ENOX1: variants seen among roughly 807,000 people sequenced by gnomAD.
The protein encoded by ENOX1 is candidate growth-related and time keeping constitutive hydroquinone (NADH) oxidase.
Under a neutral mutation model 82.5 loss-of-function variants are expected in ENOX1, and 42 were observed. The ratio of observed to expected loss-of-function variants is 0.51; its 90% CI spans 0.40 to 0.66. The LOEUF (loss-of-function observed/expected upper bound fraction) is 0.66, where lower values mean the gene tolerates loss of function less well. Ranked by LOEUF, ENOX1 falls within the 30% of genes least tolerant of loss-of-function variation. The pLI is 0.00. For missense variants in ENOX1, 608 were observed against 811.6 expected, an observed-to-expected ratio of 0.75 and a Z score of 3.05; for synonymous variants, 271 against 282.2, an observed-to-expected ratio of 0.96 and a Z score of 0.40.
intron 1 of ENOX1, among the ~76,000 whole-genome samples, chr13:43,676,440 C>T (rs2085512221): frequency 6.6e-6 from 1 of 152,148 alleles, no homozygotes; most frequent in Non-Finnish European, 1.5e-5. Context: ...ATCTACCAGG[C>T]TCTCCCTCAG....
intron 16 of ENOX1, among the ~76,000 whole-genome samples, chr13:43,216,778 T>C (rs767020205): frequency 5.3e-5 from 8 of 152,126 alleles, no homozygotes; most frequent in Non-Finnish European, 8.8e-5. Flanking sequence ...GTGCCATTCA[T>C]TAGGGAGGGG....
intron 5 of ENOX1, among the ~76,000 whole-genome samples, chr13:43,387,245 A>G (rs2153579349): frequency 6.6e-6 from 1 of 152,278 alleles, no homozygotes; most frequent in East Asian, 1.9e-4. Flanking sequence ...GATGTAGGAG[A>G]GTTACCTGGG....
intron 1 of ENOX1, among the ~76,000 whole-genome samples, chr13:43,672,360 C>T (rs12428574): frequency 6.6e-5 from 10 of 152,060 alleles, no homozygotes; most frequent in African/African-American, 1.4e-4. Flanking sequence ...ACTTTATTAC[C>T]GTTAGATAAT....
intron 1 of ENOX1, among the ~76,000 whole-genome samples, chr13:43,670,564 G>C (rs1311759883): frequency 1.3e-5 from 2 of 152,140 alleles, no homozygotes; most frequent in Admixed American, 1.3e-4. Flanking sequence ...GTATTTGAAG[G>C]AAAATAGGGC....
chr13:43,287,884 C>CTATT (rs1467062053), intron 12 of ENOX1, among the ~76,000 whole-genome samples: 3 of 152,162 alleles, frequency 2.0e-5, no homozygotes, highest in African/African-American at 7.2e-5. Flanking sequence ...GAATTGGTTT[C>CTATT]TATTTCTGGT....
intron 13 of ENOX1, among the ~76,000 whole-genome samples, chr13:43,267,244 T>A (rs978012264): frequency 1.3e-5 from 2 of 152,176 alleles, no homozygotes; most frequent in South Asian, 2.1e-4. Flanking sequence ...GAACATCCTG[T>A]CTGATGAAAC....
At chr13:43,581,495 A>C (rs1251586964) in intron 2 of ENOX1, among the ~76,000 whole-genome samples, 1 of 152,194 alleles carries the variant, frequency 6.6e-6, no homozygotes, top group Non-Finnish European at 1.5e-5. Context: ...TCCATCCCCA[A>C]GGAGGAAAAG....
At chr13:43,428,332 A>G (rs2055450591) in intron 3 of ENOX1, among the ~76,000 whole-genome samples, 1 of 152,206 alleles carries the variant, frequency 6.6e-6, no homozygotes, top group Non-Finnish European at 1.5e-5. Context: ...GGCTTAACTC[A>G]GTCCAAATAT....
rs771833542 is a variant in ENOX1, at chr13:43,356,038, C to T, written c.704G>A (p.Arg235His). The change falls in exon 8 of 17, where the codon CGT (arginine) becomes CAT (histidine). Residue 235 changes from arginine to histidine, a missense_variant. By Grantham distance (29) the Arg-to-His change is conservative. Coordinates refer to ENST00000690772, the MANE Select transcript of ENOX1 (RefSeq NM_001347969.2). Reference protein sequence around the residue: ...FYEWECKQRMRAREERHRRKL... With the variant: ...FYEWECKQRMHAREERHRRKL... ...GCGCCGGTGCCGCTCCTCCCGGGCACGCATCCTCTGCTTGCATTCCCACTC... is the reference window on the plus strand; with the variant it reads ...GCGCCGGTGCCGCTCCTCCCGGGCATGCATCCTCTGCTTGCATTCCCACTC... 14 of 1,614,056 alleles carry T rather than the reference C, an allele frequency of 8.7e-6. No individual in the cohort carries two copies. The highest frequency in any genetic ancestry group is 4.5e-5 in the East Asian group (2 of 44,882).
intron 8 of ENOX1, among the ~76,000 whole-genome samples, chr13:43,349,405 G>C (rs2049616364): frequency 6.6e-6 from 1 of 152,188 alleles, no homozygotes; most frequent in African/African-American, 2.4e-5. Context: ...TTTGTGAGGA[G>C]TAAATAATAT....
At chr13:43,317,934 G>A (rs2047604311) in intron 11 of ENOX1, among the ~76,000 whole-genome samples, 1 of 151,986 alleles carries the variant, frequency 6.6e-6, no homozygotes, top group Non-Finnish European at 1.5e-5. Context: ...GAACCCGGGA[G>A]GCAGAGCTCG....
rs1952593538 is a variant in ENOX1, at chr13:43,786,119, T to A, written c.-285+533A>T. ...AATAACAACAGTACCCAGCGCAGAC[T>A]AGGCGGGGAGGAAAGTTTCCGGCCC... On this transcript the variant is annotated intron_variant, in intron 1 of 16. Transcript: ENST00000690772. This position sits in a 1 kb window ranked among gnomAD's most constrained non-coding sequence, Gnocchi z 6.0. Among the ~76,000 whole-genome samples the A allele has an allele frequency of 6.6e-6, 1 of 151,888 alleles. No individual in the cohort carries two copies. The highest frequency in any genetic ancestry group is 1.5e-5 in the Non-Finnish European group (1 of 67,962).
At chr13:43,757,297 T>C (rs777947001) in intron 1 of ENOX1, among the ~76,000 whole-genome samples, 5 of 152,172 alleles carry the variant, frequency 3.3e-5, no homozygotes, top group East Asian at 1.9e-4. Flanking sequence ...TGAACCTGGA[T>C]TGGCTTTGTG....
intron 2 of ENOX1, among the ~76,000 whole-genome samples, chr13:43,518,704 T>C (rs1472768452): frequency 6.6e-6 from 1 of 152,270 alleles, no homozygotes; most frequent in East Asian, 1.9e-4. Context: ...CTAAGTCTTC[T>C]TTGTTGATCA....
At chr13:43,502,959 C>T (rs946291933) in intron 2 of ENOX1, among the ~76,000 whole-genome samples, 6 of 151,318 alleles carry the variant, frequency 4.0e-5, no homozygotes, top group African/African-American at 1.5e-4. Context: ...ATTTTATATA[C>T]AGAAAACTCT....
intron 2 of ENOX1, among the ~76,000 whole-genome samples, chr13:43,492,469 T>C (rs1395089352): frequency 6.6e-6 from 1 of 152,210 alleles, no homozygotes; most frequent in Non-Finnish European, 1.5e-5. Flanking sequence ...TTAATCTTGC[T>C]TAAATTGCCA....
At chr13:43,595,418 T>C (rs2081422219) in intron 2 of ENOX1, among the ~76,000 whole-genome samples, 1 of 152,120 alleles carries the variant, frequency 6.6e-6, no homozygotes, top group African/African-American at 2.4e-5. Context: ...TTTTATTTCT[T>C]TTTTTTATTA....
At chr13:43,561,305 C>G (rs1167261862) in intron 2 of ENOX1, among the ~76,000 whole-genome samples, 2 of 152,122 alleles carry the variant, frequency 1.3e-5, no homozygotes, top group Non-Finnish European at 2.9e-5. Context: ...GCTCCCTGTA[C>G]TTGTGCAGAT....
chr13:43,745,692 A>G (rs1400772461), intron 1 of ENOX1, among the ~76,000 whole-genome samples: 1 of 152,168 alleles, frequency 6.6e-6, no homozygotes, highest in African/African-American at 2.4e-5. Context: ...CCCTACCCCA[A>G]TCTTATCTTG....
Sources: allele counts gnomAD v4.1 joint callset (sites outside exome capture counted in the v4.1 genomes callset), GRCh38; gene constraint gnomAD v4.1.1; non-coding constraint Gnocchi (gnomAD v3.1); transcripts MANE v1.5; gene names NCBI Gene and HGNC (gene_info 2026-07-23, HGNC 2026-07-21).